SYNPR: variants seen among roughly 807,000 people sequenced by gnomAD.
SYNPR encodes synaptoporin.
A neutral mutation model predicts 32.9 loss-of-function variants in SYNPR; 23 were observed. That is an observed-to-expected ratio of 0.70 (90% CI 0.50 to 0.99). SYNPR has a LOEUF of 0.99. Among genes scored for constraint, SYNPR ranks in the 50% least tolerant of loss-of-function variants. SYNPR has a pLI of 0.00. For missense variants in SYNPR, 318 were observed against 349.3 expected, an observed-to-expected ratio of 0.91 and a Z score of 0.71; for synonymous variants, 146 against 135.9, an observed-to-expected ratio of 1.07 and a Z score of -0.52.
chr3:63,575,348 T>C (rs1015017078), intron 4 of SYNPR, among the ~76,000 whole-genome samples: 28 of 152,110 alleles, frequency 1.8e-4, no homozygotes, highest in African/African-American at 6.0e-4. Flanking sequence ...TCTCTGGCCT[T>C]CCAGATTTTT....
intron 2 of SYNPR, among the ~76,000 whole-genome samples, chr3:63,418,303 G>A (rs891121321): frequency 6.6e-6 from 1 of 152,130 alleles, no homozygotes; most frequent in African/African-American, 2.4e-5. Context: ...GACCACCTCA[G>A]CCTAGATTTC....
intron 3 of SYNPR, among the ~76,000 whole-genome samples, chr3:63,491,527 T>C (rs1435785070): frequency 3.3e-5 from 5 of 152,046 alleles, no homozygotes; most frequent in Admixed American, 2.0e-4. Context: ...TATGCATATA[T>C]ATAATTTTTT....
chr3:63,356,917 G>C (rs9841856), intron 2 of SYNPR, among the ~76,000 whole-genome samples: 2,229 of 152,294 alleles, frequency 0.015, 70 homozygotes, highest in African/African-American at 0.051. Flanking sequence ...GCTGGCTCTA[G>C]AAGCAAAATA....
intron 2 of SYNPR, among the ~76,000 whole-genome samples, chr3:63,453,029 C>T (rs192233179): frequency 9.1e-4 from 138 of 152,218 alleles, no homozygotes; most frequent in South Asian, 1.7e-3. Flanking sequence ...AGACCAGCAG[C>T]GTGGGCATCA....
intron 2 of SYNPR, among the ~76,000 whole-genome samples, chr3:63,446,296 T>A (rs1202246249): frequency 5.3e-5 from 8 of 151,196 alleles, no homozygotes; most frequent in South Asian, 2.1e-4. Flanking sequence ...TTTTTTTTTT[T>A]AATTTCTATT....
upstream of SYNPR, among the ~76,000 whole-genome samples, chr3:63,273,552 G>A (rs1309580137): frequency 6.6e-5 from 10 of 152,160 alleles, no homozygotes; most frequent in East Asian, 1.9e-3. Context: ...TTTGGTGTTA[G>A]TTTTGGTCCT....
chr3:63,573,137 G>T (rs931475288), intron 4 of SYNPR, among the ~76,000 whole-genome samples: 1 of 152,162 alleles, frequency 6.6e-6, no homozygotes, highest in African/African-American at 2.4e-5. Context: ...GAACATGAAT[G>T]AGTCTCTCTG....
intron 4 of SYNPR, among the ~76,000 whole-genome samples, chr3:63,577,125 G>T (rs148489772): frequency 1.3e-5 from 2 of 152,296 alleles, no homozygotes; most frequent in African/African-American, 4.8e-5. Flanking sequence ...AAAACAGATG[G>T]CTATGCAAAT....
At chr3:63,317,439 A>C (rs1322106017) in intron 2 of SYNPR, among the ~76,000 whole-genome samples, 4 of 151,610 alleles carry the variant, frequency 2.6e-5, no homozygotes, top group African/African-American at 4.8e-5. Flanking sequence ...TATATGTTTA[A>C]GATTGTGATA....
At chr3:63,428,506 T>TTGC (rs1272759802) in intron 2 of SYNPR, among the ~76,000 whole-genome samples, 2 of 152,256 alleles carry the variant, frequency 1.3e-5, no homozygotes, top group Non-Finnish European at 2.9e-5. Flanking sequence ...TTATCAACTA[T>TTGC]TGCTGCATAA....
chr3:63,325,582 G>C (rs1377226411), intron 2 of SYNPR, among the ~76,000 whole-genome samples: 1 of 152,092 alleles, frequency 6.6e-6, no homozygotes, highest in Non-Finnish European at 1.5e-5. Flanking sequence ...ATCTGGACCT[G>C]GCAGGGCCCC....
intron 3 of SYNPR, among the ~76,000 whole-genome samples, chr3:63,493,282 G>A (rs1701289695): frequency 2.0e-5 from 3 of 152,122 alleles, no homozygotes; most frequent in Admixed American, 2.0e-4. Context: ...GGATTGGCAA[G>A]TATTCAAACT....
intron 2 of SYNPR, among the ~76,000 whole-genome samples, chr3:63,409,804 C>T (rs566257599): frequency 2.0e-5 from 3 of 152,252 alleles, no homozygotes; most frequent in African/African-American, 7.2e-5. Flanking sequence ...TCTTTTTGAG[C>T]ACTGCTCTAC....
chr3:63,338,558 C>A (rs991865353), intron 2 of SYNPR, among the ~76,000 whole-genome samples: 1 of 152,144 alleles, frequency 6.6e-6, no homozygotes, highest in Non-Finnish European at 1.5e-5. Context: ...TCCTTGCCAA[C>A]AGCTTGAAAT....
chr3:63,556,321 G>A (rs972227978), intron 3 of SYNPR, among the ~76,000 whole-genome samples: 15 of 152,098 alleles, frequency 9.9e-5, no homozygotes, highest in African/African-American at 3.4e-4. Context: ...CTACCTAAGG[G>A]TGACTAGCTG....
chr3:63,571,712 A>T (rs1702890187), intron 4 of SYNPR, among the ~76,000 whole-genome samples: 2 of 152,180 alleles, frequency 1.3e-5, no homozygotes, highest in Non-Finnish European at 2.9e-5. Flanking sequence ...ATATAAAGTA[A>T]TTTGATTGAT....
intron 2 of SYNPR, among the ~76,000 whole-genome samples, chr3:63,386,982 A>C (rs2088054368): frequency 6.6e-6 from 1 of 152,268 alleles, no homozygotes; most frequent in East Asian, 1.9e-4. Context: ...TCTCTCAAGA[A>C]TCTCATTTCT....
intron 2 of SYNPR, among the ~76,000 whole-genome samples, chr3:63,431,626 G>C (rs895674947): frequency 5.3e-5 from 8 of 152,002 alleles, no homozygotes; most frequent in Non-Finnish European, 7.4e-5. Context: ...TCTATGTGGA[G>C]AGAACAGCAT....
chr3:63,542,238 T>G (rs1434744783), intron 3 of SYNPR, among the ~76,000 whole-genome samples: 1 of 152,244 alleles, frequency 6.6e-6, no homozygotes, highest in Non-Finnish European at 1.5e-5. Context: ...ATGCCTTAGA[T>G]CCTCAAGCGC....
Sources: allele counts gnomAD v4.1 joint callset (sites outside exome capture counted in the v4.1 genomes callset), GRCh38; gene constraint gnomAD v4.1.1; transcripts MANE v1.5; gene names NCBI Gene and HGNC (gene_info 2026-07-23, HGNC 2026-07-21).